PSD3: variants seen among roughly 807,000 people sequenced by gnomAD.
PSD3 encodes the protein pleckstrin and Sec7 domain containing 3, also known as PH and SEC7 domain-containing protein 3.
PSD3 carries 49 observed loss-of-function variants against 105.5 expected under a neutral mutation model. The ratio of observed to expected loss-of-function variants is 0.46; its 90% CI spans 0.37 to 0.59. The LOEUF (loss-of-function observed/expected upper bound fraction) is 0.59. Ranked by LOEUF, PSD3 falls within the 20% of genes least tolerant of loss-of-function variation. The probability of loss-of-function intolerance (pLI) is 0.00; values close to 1 mark genes in which losing one functional copy is unlikely to be tolerated. For missense variants in PSD3, 1,561 were observed against 1,263.8 expected, an observed-to-expected ratio of 1.24 and a Z score of -3.57; for synonymous variants, 557 against 457.8, an observed-to-expected ratio of 1.22 and a Z score of -2.77.
intron 9 of PSD3, among the ~76,000 whole-genome samples, chr8:18,752,654 ATAT>A (rs1805704407): frequency 2.8e-5 from 3 of 106,134 alleles, no homozygotes; most frequent in African/African-American, 7.4e-5. Flanking sequence ...TATATATAAT[ATAT>A]TATATTTGAT....
intron 9 of PSD3, among the ~76,000 whole-genome samples, chr8:18,752,546 T>TAATATATATAATTATATATATTA (rs562574903): frequency 5.6e-5 from 1 of 17,752 alleles, no homozygotes; most frequent in South Asian, 8.2e-4. Flanking sequence ...ATTATATATA[T>TAATATATATAATTATATATATTA]TATATATAAT....
intron 9 of PSD3, among the ~76,000 whole-genome samples, chr8:18,697,683 G>C (rs1231547959): frequency 6.6e-6 from 1 of 152,190 alleles, no homozygotes; most frequent in African/African-American, 2.4e-5. Context: ...AGCTCTGCCT[G>C]TGATTGCGTG....
chr8:18,619,808 C>T lies in PSD3; in HGVS notation c.2410+12805G>A, dbSNP rs149152724. Among the ~76,000 whole-genome samples, 47 of 152,282 alleles carry T rather than the reference C, an allele frequency of 3.1e-4. No homozygotes were observed. In the East Asian group the frequency reaches 8.3e-3, roughly 27 times the overall value. On this transcript the variant is annotated intron_variant, in intron 11 of 15. Coordinates refer to ENST00000327040, the MANE Select transcript of PSD3 (RefSeq NM_015310.4). Reference sequence around the variant, plus strand: ...ATCACATGACAGCAGACCCTGAAAGCAATCACAATATTTTACCCCAAAATA... The same window carrying T: ...ATCACATGACAGCAGACCCTGAAAGTAATCACAATATTTTACCCCAAAATA...
At chr8:19,018,871 A>T (rs1350797481) in intron 1 of PSD3, among the ~76,000 whole-genome samples, 1 of 152,174 alleles carries the variant, frequency 6.6e-6, no homozygotes, top group Non-Finnish European at 1.5e-5. Flanking sequence ...ATCTCAGCTC[A>T]CTGCAGCCTC....
intron 1 of PSD3, among the ~76,000 whole-genome samples, chr8:18,961,593 G>A (rs1027662599): frequency 1.3e-5 from 2 of 152,136 alleles, no homozygotes; most frequent in African/African-American, 4.8e-5. Flanking sequence ...GCGAGGCTGA[G>A]GCAGGCAGAA....
intron 1 of PSD3, among the ~76,000 whole-genome samples, chr8:19,058,546 T>A (rs1406535624): frequency 6.6e-6 from 1 of 151,026 alleles, no homozygotes; most frequent in Non-Finnish European, 1.5e-5. Flanking sequence ...GAACTGTACA[T>A]ACACACACAC....
At chr8:19,041,036 G>C (rs1355872122) in intron 1 of PSD3, among the ~76,000 whole-genome samples, 1 of 152,072 alleles carries the variant, frequency 6.6e-6, no homozygotes, top group Non-Finnish European at 1.5e-5. Context: ...GGGACTATAG[G>C]TGCACGCCAC....
chr8:18,720,919 T>A (rs551903677), intron 9 of PSD3: 1 of 152,086 alleles, frequency 6.6e-6, no homozygotes, highest in Non-Finnish European at 1.5e-5. Context: ...AACCCCAGGA[T>A]CTGAGGGCAA....
chr8:18,743,325 G>C (rs1804728602), intron 9 of PSD3, among the ~76,000 whole-genome samples: 1 of 152,162 alleles, frequency 6.6e-6, no homozygotes. Flanking sequence ...CGAATGCAGG[G>C]AACTCTGTCA....
intron 2 of PSD3, among the ~76,000 whole-genome samples, chr8:18,901,720 G>A (rs1422603322): frequency 6.6e-6 from 1 of 152,120 alleles, no homozygotes; most frequent in Non-Finnish European, 1.5e-5. Flanking sequence ...TGGCCTAGTG[G>A]TAATGAATTC....
chr8:19,048,643 A>T (rs1828411025), intron 1 of PSD3, among the ~76,000 whole-genome samples: 1 of 151,582 alleles, frequency 6.6e-6, no homozygotes, highest in Non-Finnish European at 1.5e-5. Context: ...TGACAGCCGT[A>T]GAGATACACT....
intron 8 of PSD3, among the ~76,000 whole-genome samples, chr8:18,775,315 A>G (rs943984086): frequency 4.6e-5 from 7 of 152,214 alleles, no homozygotes; most frequent in Non-Finnish European, 7.3e-5. Flanking sequence ...TAGTACTACA[A>G]TAAACATGGG....
chr8:18,730,449 A>G (rs1285030908), intron 9 of PSD3: 2 of 152,226 alleles, frequency 1.3e-5, no homozygotes, highest in Admixed American at 1.3e-4. Context: ...CTTTATATAT[A>G]AATATTAATG....
intron 11 of PSD3, among the ~76,000 whole-genome samples, chr8:18,601,072 T>A (rs1804408416): frequency 6.6e-6 from 1 of 152,206 alleles, no homozygotes; most frequent in Non-Finnish European, 1.5e-5. Context: ...TCCTTCATCT[T>A]TAGAATTCAC....
At chr8:18,910,947 A>T (rs190841193) in intron 2 of PSD3, among the ~76,000 whole-genome samples, 324 of 152,102 alleles carry the variant, frequency 2.1e-3, no homozygotes, top group Middle Eastern at 3.4e-3. Flanking sequence ...AAATAAAAAA[A>T]AAAAAAATAA....
At chr8:18,687,653 A>T (rs1800734299) in intron 9 of PSD3, among the ~76,000 whole-genome samples, 4 of 152,106 alleles carry the variant, frequency 2.6e-5, no homozygotes, top group Admixed American at 2.6e-4. Context: ...CCTTCCAGAG[A>T]TAATAAGCCA....
intron 2 of PSD3, among the ~76,000 whole-genome samples, chr8:18,899,070 G>T (rs112460680): frequency 2.6e-5 from 4 of 152,108 alleles, no homozygotes; most frequent in African/African-American, 7.2e-5. Context: ...AAACAGTCTG[G>T]AATCATGGGA....
chr8:18,811,658 G>A (rs1811692747), intron 4 of PSD3, among the ~76,000 whole-genome samples: 2 of 152,146 alleles, frequency 1.3e-5, no homozygotes, highest in African/African-American at 4.8e-5. Context: ...GATAAGCCTT[G>A]CAAATATGAT....
intron 4 of PSD3, among the ~76,000 whole-genome samples, chr8:18,812,249 A>C (rs144304630): frequency 6.6e-6 from 1 of 152,258 alleles, no homozygotes; most frequent in African/African-American, 2.4e-5. Flanking sequence ...TCCCTTGACA[A>C]TTTAAATATC....
Sources: allele counts gnomAD v4.1 joint callset (sites outside exome capture counted in the v4.1 genomes callset), GRCh38; gene constraint gnomAD v4.1.1; transcripts MANE v1.5; gene names NCBI Gene and HGNC (gene_info 2026-07-23, HGNC 2026-07-21).